Variants in ABHD3 observed in about 807,000 individuals in gnomAD.
The protein encoded by ABHD3 is phospholipase ABHD3.
In ABHD3, 46 loss-of-function variants were observed where a neutral mutation model predicts 48.8. The observed-to-expected ratio is 0.94, with a 90% CI of 0.74 to 1.20. The LOEUF is 1.20. Ranked by LOEUF, ABHD3 falls within the 50% of genes most tolerant of loss-of-function variation. ABHD3 has a pLI of 0.00. For missense variants in ABHD3, 490 were observed against 497.8 expected, an observed-to-expected ratio of 0.98 and a Z score of 0.15; for synonymous variants, 192 against 183.7, an observed-to-expected ratio of 1.04 and a Z score of -0.36.
chr18:21,675,711 G>C (rs1234446435), intron 4 of ABHD3, among the ~76,000 whole-genome samples: 2 of 151,742 alleles, frequency 1.3e-5, no homozygotes, highest in Admixed American at 1.3e-4. Context: ...TTGCGATGAG[G>C]GAAAAAAAGT....
chr18:21,696,730 A>G (rs998813000), intron 3 of ABHD3, among the ~76,000 whole-genome samples: 1 of 149,976 alleles, frequency 6.7e-6, no homozygotes, highest in Non-Finnish European at 1.5e-5. Context: ...GTTATTATTT[A>G]GTTTTGGTTT....
rs1467909214 is a variant in ABHD3, at chr18:21,656,973, G to A, written c.945C>T (p.Tyr315=). The A allele has an allele frequency of 6.2e-6, 10 of 1,613,996 alleles. No homozygotes were observed. The highest frequency in any genetic ancestry group is 7.6e-6 in the Non-Finnish European group (9 of 1,180,000). The part of the protein sequence containing the change: ...DKRFTSVMFG[Y]QTIDDYYTDA... ...CAGTATAATAATCATCAATTGTTTGGTATCCAAACATGACTGAAGTGAATC... is the reference window on the plus strand; with the variant it reads ...CAGTATAATAATCATCAATTGTTTGATATCCAAACATGACTGAAGTGAATC... The change falls in exon 8 of 9, where the codon TAC becomes TAT. Residue 315 remains tyrosine (Y), a synonymous_variant. Coordinates refer to ENST00000289119, the MANE Select transcript of ABHD3 (RefSeq NM_138340.5).
intron 8 of ABHD3, 147 bp from the exon 9 acceptor site, chr18:21,651,910 A>C: frequency 2.9e-6 from 2 of 692,080 alleles, no homozygotes; most frequent in Non-Finnish European, 4.5e-6. Flanking sequence ...TGTAATGAGC[A>C]TAGTTAAATG....
intron 3 of ABHD3, among the ~76,000 whole-genome samples, chr18:21,692,259 A>C (rs1035603390): frequency 6.6e-6 from 1 of 152,088 alleles, no homozygotes; most frequent in Non-Finnish European, 1.5e-5. Flanking sequence ...CCTACATTTC[A>C]ATCTTAACCC....
intron 4 of ABHD3, chr18:21,682,218 G>T (rs2040018983): frequency 6.6e-6 from 1 of 152,226 alleles, no homozygotes; most frequent in Non-Finnish European, 1.5e-5. Context: ...AATAGGAAAA[G>T]ACATAACTGA....
At position 21,704,651 on chromosome 18, in the gene ABHD3, G is replaced by A. The variant is rs762710772; in HGVS notation, c.15C>T (p.Ala5=). 2.0e-6 allele frequency: 3 copies of A among 1,523,786 alleles called. No homozygotes were observed. Among genetic ancestry groups the A allele is most frequent in the Non-Finnish European group, 2.6e-6 (3 of 1,138,730 alleles). The allele number at this position is 1,523,786 out of a possible 1,614,324, so 94.4% of individuals were successfully genotyped here. A position where few individuals can be genotyped will look rare whatever the true frequency, so the allele number is the denominator to read the frequency against. Residue 5 remains alanine, a synonymous_variant, in exon 1 of 9, where the codon GCC becomes GCT. Coordinates refer to ENST00000289119, the MANE Select transcript of ABHD3 (RefSeq NM_138340.5). ...CCCGGGACAACATCCGCAGGTCCAT[G>A]GCCAGGCGCTGCATGGCCCCCGAGC... MQRL[A]MDLRMLSREL... is the part of the protein sequence containing the mutation.
At chr18:21,673,204 C>G (rs1335052785) in intron 4 of ABHD3, among the ~76,000 whole-genome samples, 2 of 152,210 alleles carry the variant, frequency 1.3e-5, no homozygotes, top group African/African-American at 4.8e-5. Flanking sequence ...GTACATTAGA[C>G]TCACCAAGAA....
chr18:21,670,661 C>G (rs1437056545), intron 4 of ABHD3, among the ~76,000 whole-genome samples: 1 of 152,156 alleles, frequency 6.6e-6, no homozygotes, highest in African/African-American at 2.4e-5. Context: ...CACCTGTGAC[C>G]TTCACCTGCC....
chr18:21,664,696 T>C (rs1003341938), intron 4 of ABHD3, among the ~76,000 whole-genome samples: 1 of 152,172 alleles, frequency 6.6e-6, no homozygotes, highest in Non-Finnish European at 1.5e-5. Flanking sequence ...AGTGGCATGA[T>C]CACAGCTCAC....
In ABHD3 at chr18:21,691,427, G is replaced by T. The variant is rs986875644; in HGVS notation, c.510-7462C>A. 7.9e-5 allele frequency among the ~76,000 whole-genome samples: 12 copies of T among 152,140 alleles called. 1 individual carries two copies. The highest frequency in any genetic ancestry group is 7.9e-4 in the Admixed American group (12 of 15,274). On this transcript the variant is annotated intron_variant, in intron 3 of 8. Transcript: ENST00000289119. Reference sequence around the variant, plus strand: ...ATGTACAGAACACCACATCCAACAAGAGAATACACATTCTTTTCAAGAAAT... The same window carrying T: ...ATGTACAGAACACCACATCCAACAATAGAATACACATTCTTTTCAAGAAAT...
At chr18:21,656,667 C>T (rs2039357605) in intron 8 of ABHD3, among the ~76,000 whole-genome samples, 194 bp downstream of exon 8, 1 of 152,060 alleles carries the variant, frequency 6.6e-6, no homozygotes, top group African/African-American at 2.4e-5. Context: ...TTGTTCTGAG[C>T]CTCTCACAAT....
intron 3 of ABHD3, among the ~76,000 whole-genome samples, chr18:21,689,260 A>C (rs2040191628): frequency 6.6e-6 from 1 of 152,096 alleles, no homozygotes; most frequent in African/African-American, 2.4e-5. Context: ...AGAAATGCGC[A>C]GTCTCTTGGC....
At chr18:21,680,775 A>G (rs2039986147) in intron 4 of ABHD3, among the ~76,000 whole-genome samples, 1 of 152,004 alleles carries the variant, frequency 6.6e-6, no homozygotes, top group Admixed American at 6.6e-5. Flanking sequence ...AATACTAAGG[A>G]GAGTATGTTT....
At chr18:21,675,488 T>C (rs1019758521) in intron 4 of ABHD3, among the ~76,000 whole-genome samples, 2 of 151,904 alleles carry the variant, frequency 1.3e-5, no homozygotes, top group Admixed American at 6.6e-5. Flanking sequence ...AGAATGGTCT[T>C]GATCTCCTGA....
At chr18:21,660,774 G>A (rs1287945150) in intron 5 of ABHD3, among the ~76,000 whole-genome samples, 1 of 152,078 alleles carries the variant, frequency 6.6e-6, no homozygotes, top group Non-Finnish European at 1.5e-5. Context: ...TGAACTATCT[G>A]TATACAGTAT....
chr18:21,658,806 C>T (rs2850570), intron 6 of ABHD3, among the ~76,000 whole-genome samples: 2,380 of 148,954 alleles, frequency 0.016, 60 homozygotes, highest in African/African-American at 0.055. Flanking sequence ...AATTTTTTTA[C>T]TGTTGGGGCA....
chr18:21,686,113 G>C (rs1286695785), intron 3 of ABHD3, among the ~76,000 whole-genome samples: 1 of 152,218 alleles, frequency 6.6e-6, no homozygotes, highest in Non-Finnish European at 1.5e-5. Context: ...CAAATGCTGG[G>C]ATTACAGGCA....
intron 3 of ABHD3, among the ~76,000 whole-genome samples, chr18:21,692,746 C>CA (rs1365067678): frequency 6.6e-6 from 1 of 152,068 alleles, no homozygotes; most frequent in African/African-American, 2.4e-5. Flanking sequence ...AAAATTTACT[C>CA]AGCTGCTTTC....
intron 5 of ABHD3, among the ~76,000 whole-genome samples, chr18:21,661,118 A>AAAAAAAAAAAAAAAT (rs2039484537): frequency 6.6e-6 from 1 of 150,912 alleles, no homozygotes; most frequent in East Asian, 1.9e-4. Flanking sequence ...AAAAAAAAAA[A>AAAAAAAAAAAAAAAT]AAAAAAAAGA....
Sources: gnomAD v4.1 joint callset for allele counts (sites outside exome capture counted in the v4.1 genomes callset) on GRCh38, gnomAD v4.1.1 for gene constraint, MANE v1.5 for transcripts, NCBI Gene and HGNC (gene_info 2026-07-23, HGNC 2026-07-21) for gene names.